Variants in NRN1 observed in about 807,000 individuals in gnomAD.
The protein encoded by NRN1 is neuritin.
Under a neutral mutation model 15.0 loss-of-function variants are expected in NRN1, and 4 were observed. That is an observed-to-expected ratio of 0.27 (90% CI 0.13 to 0.61). The LOEUF (loss-of-function observed/expected upper bound fraction) is 0.61, where lower values mean the gene tolerates loss of function less well. Among genes scored for constraint, NRN1 ranks in the 20% least tolerant of loss-of-function variants. The probability of loss-of-function intolerance (pLI) is 0.87; values close to 1 mark genes in which losing one functional copy is unlikely to be tolerated. For synonymous variants in NRN1, 85 were observed against 79.8 expected (o/e 1.07, Z -0.35); for missense variants, 134 against 181.9 (o/e 0.74, Z 1.51).
At chr6:6,004,053 C>G (rs1032789023) in intron 1 of NRN1, 81 of 1,154,308 alleles carry the variant, frequency 7.0e-5, no homozygotes, top group Non-Finnish European at 8.4e-5. Context: ...TAGCAGCTTC[C>G]GAGAGCGTAC....
chr6:6,002,314 C>A (rs779870335), intron 2 of NRN1, 39 bp downstream of exon 2: 2 of 1,609,384 alleles, frequency 1.2e-6, no homozygotes, highest in East Asian at 4.5e-5. Context: ...CAGTAGCGCC[C>A]CCAAAACCGA....
rs1757828535 is a variant in NRN1, at chr6:5,998,466, CA to C, written c.*509del. 1 of 153,224 alleles carries C rather than the reference CA, an allele frequency of 6.5e-6. No homozygotes were observed. Among genetic ancestry groups the C allele is most frequent in the South Asian group, 2.0e-4 (1 of 4,936 alleles). The allele number at this position is 153,224 out of a possible 1,614,324, so 9.5% of individuals were successfully genotyped here. ...AAATGTGCAGTGGAAATGATCAAAA[CA>C]AGATACTGTGGAAGAACGACGTGAG... On this transcript the variant is annotated 3_prime_UTR_variant, in exon 3 of 3. Transcript: ENST00000244766.
chr6:6,000,115 T>C (rs1001677824), intron 2 of NRN1, among the ~76,000 whole-genome samples: 9 of 152,172 alleles, frequency 5.9e-5, no homozygotes, highest in Non-Finnish European at 1.3e-4. Flanking sequence ...TTTCAGGATG[T>C]AGCGCCAGCC....
chr6:6,006,322 C>T (rs924354537), intron 1 of NRN1, among the ~76,000 whole-genome samples: 2 of 152,218 alleles, frequency 1.3e-5, no homozygotes, highest in Non-Finnish European at 2.9e-5. Context: ...CCTGCATTCA[C>T]ATTTCGACTC....
At chr6:6,005,708 C>G (rs556844631) in intron 1 of NRN1, among the ~76,000 whole-genome samples, 1 of 152,260 alleles carries the variant, frequency 6.6e-6, no homozygotes, top group Non-Finnish European at 1.5e-5. Context: ...TCTTTTTTCC[C>G]CCGTGTTGTC....
intron 2 of NRN1, among the ~76,000 whole-genome samples, chr6:6,001,280 C>T (rs1326518377): frequency 6.6e-6 from 1 of 152,194 alleles, no homozygotes; most frequent in African/African-American, 2.4e-5. Context: ...AATGATGCCA[C>T]AGAAAATGGT....
At chr6:6,000,761 A>G (rs1582991201) in intron 2 of NRN1, among the ~76,000 whole-genome samples, 1 of 78,558 alleles carries the variant, frequency 1.3e-5, no homozygotes, top group African/African-American at 5.4e-5. Flanking sequence ...GTACGCCCAG[A>G]TGAGGGCAGA....
chr6:6,004,064 C>G, intron 1 of NRN1: 1 of 1,138,000 alleles, frequency 8.8e-7, no homozygotes, highest in East Asian at 4.4e-5. Context: ...GAGAGCGTAC[C>G]CGTTTGCAAA....
At chr6:6,003,809 G>A (rs1389639962) in intron 1 of NRN1, 1 of 1,233,858 alleles carries the variant, frequency 8.1e-7, no homozygotes, top group Non-Finnish European at 1.0e-6. Flanking sequence ...CGCCGGGAGG[G>A]CGCCAGAGAA....
intron 1 of NRN1, among the ~76,000 whole-genome samples, chr6:6,005,686 G>A (rs936988899): frequency 6.6e-6 from 1 of 152,162 alleles, no homozygotes; most frequent in African/African-American, 2.4e-5. Flanking sequence ...TAACAATTCC[G>A]TTTCAGGAGT....
At position 6,006,774 on chromosome 6, in the gene NRN1, G is replaced by A. The variant is rs369557126; in HGVS notation, c.-25C>T. 6.2e-7 allele frequency: 1 copy of A among 1,611,710 alleles called. No homozygotes were observed. The highest frequency in any genetic ancestry group is 1.3e-5 in the African/African-American group (1 of 74,984). ...TCCTACGTTTAGTCAAACCATTTGCGACCGCAGACCTTTAAATAGTTAGTT... is the reference window on the plus strand; with the variant it reads ...TCCTACGTTTAGTCAAACCATTTGCAACCGCAGACCTTTAAATAGTTAGTT... On this transcript the variant is annotated 5_prime_UTR_variant, in exon 1 of 3. Coordinates refer to ENST00000244766, the MANE Select transcript of NRN1 (RefSeq NM_016588.3).
intron 2 of NRN1, among the ~76,000 whole-genome samples, chr6:5,999,455 C>T (rs1188120836): frequency 6.6e-6 from 1 of 152,262 alleles, no homozygotes; most frequent in Non-Finnish European, 1.5e-5. Context: ...TTTTCCCTTC[C>T]AGTTGCCGGG....
intron 2 of NRN1, among the ~76,000 whole-genome samples, chr6:6,000,306 T>C (rs1437013243): frequency 6.6e-6 from 1 of 152,192 alleles, no homozygotes; most frequent in East Asian, 1.9e-4. Context: ...CTGTCCCTTT[T>C]GACTGTCCCC....
In NRN1 at chr6:5,998,043, C is replaced by G. The variant is rs1267357996; in HGVS notation, c.*933G>C. ...TTTTATACTTCTCTATACTTTGTAG[C>G]AAATCTTTTTTTGCTGAATTTAATT... On this transcript the variant is annotated 3_prime_UTR_variant, in exon 3 of 3. Transcript: ENST00000244766. The G allele has an allele frequency of 1.3e-5, 2 of 152,192 alleles. No homozygotes were observed. The highest frequency in any genetic ancestry group is 4.8e-5 in the African/African-American group (2 of 41,448). 9.4% of individuals were successfully genotyped at this position (152,192 alleles called of 1,614,324 possible).
intron 2 of NRN1, among the ~76,000 whole-genome samples, chr6:6,001,417 T>A (rs1032606913): frequency 6.6e-6 from 1 of 152,130 alleles, no homozygotes; most frequent in Non-Finnish European, 1.5e-5. Context: ...GACAGGGGTG[T>A]TTTCTAAGGT....
upstream of NRN1, chr6:6,007,036 C>T (rs553975442): frequency 2.7e-5 from 12 of 448,526 alleles, no homozygotes; most frequent in South Asian, 3.1e-4. Flanking sequence ...CGCCCACGAG[C>T]AGGCCTGACG....
In NRN1 at chr6:5,998,941, T is replaced by G; in HGVS notation, c.*35A>C. The G allele has an allele frequency of 6.7e-7, 1 of 1,487,630 alleles. No individual in the cohort carries two copies. The highest frequency in any genetic ancestry group is 9.3e-7 in the Non-Finnish European group (1 of 1,077,250). 92.2% of individuals were successfully genotyped at this position (1,487,630 alleles called of 1,614,324 possible). ...TCGATTTCCGGGAGCATGGAGTGAG[T>G]GTGGGTGGGCGCGCGGGGGGAGCTG... On this transcript the variant is annotated 3_prime_UTR_variant, in exon 3 of 3. Transcript: ENST00000244766.
chr6:6,003,817 G>T, intron 1 of NRN1: 1 of 1,233,828 alleles, frequency 8.1e-7, no homozygotes, highest in Non-Finnish European at 1.0e-6. Context: ...GGGCGCCAGA[G>T]AAGCACAGCG....
At chr6:6,001,150 T>A (rs924867354) in intron 2 of NRN1, among the ~76,000 whole-genome samples, 18 of 152,188 alleles carry the variant, frequency 1.2e-4, no homozygotes, top group African/African-American at 4.3e-4. Context: ...ACTGGGGCGT[T>A]TAGGAAATAG....
Sources: allele counts gnomAD v4.1 joint callset (sites outside exome capture counted in the v4.1 genomes callset), GRCh38; gene constraint gnomAD v4.1.1; transcripts MANE v1.5; gene names NCBI Gene and HGNC (gene_info 2026-07-23, HGNC 2026-07-21).